The following SPAG16 variants were observed in gnomAD, a reference collection of about 807,000 sequenced individuals.
SPAG16 encodes the protein sperm associated antigen 16.
Under a neutral mutation model 80.4 loss-of-function variants are expected in SPAG16, and 86 were observed. The observed-to-expected ratio is 1.07, with a 90% CI of 0.90 to 1.28. The LOEUF is 1.28. Ranked by LOEUF, SPAG16 falls within the 50% of genes most tolerant of loss-of-function variation. The pLI is 0.00. For synonymous variants in SPAG16, 294 were observed against 265.9 expected, an observed-to-expected ratio of 1.11 and a Z score of -1.03; for missense variants, 870 against 765.3, an observed-to-expected ratio of 1.14 and a Z score of -1.61.
At chr2:214,146,925 C>A (rs2055671048) in intron 14 of SPAG16, among the ~76,000 whole-genome samples, 2 of 151,988 alleles carry the variant, frequency 1.3e-5, no homozygotes, top group Middle Eastern at 3.4e-3. Context: ...TGGCGTTAAC[C>A]CGGGAGACGG....
intron 11 of SPAG16, among the ~76,000 whole-genome samples, chr2:213,910,187 A>C (rs184828373): frequency 6.6e-6 from 1 of 152,342 alleles, no homozygotes; most frequent in Admixed American, 6.5e-5. Flanking sequence ...ATGAATTCAA[A>C]TAGTTCTATT....
intron 15 of SPAG16, among the ~76,000 whole-genome samples, chr2:214,326,045 A>G (rs1696454272): frequency 6.6e-6 from 1 of 152,118 alleles, no homozygotes; most frequent in Admixed American, 6.5e-5. Context: ...TGTCAATGTC[A>G]TTTTATCTGT....
chr2:214,191,208 T>A (rs1472514877), intron 15 of SPAG16, among the ~76,000 whole-genome samples: 1 of 152,066 alleles, frequency 6.6e-6, no homozygotes, highest in African/African-American at 2.4e-5. Context: ...TTCACTGAGA[T>A]ATTTTTGATT....
intron 5 of SPAG16, among the ~76,000 whole-genome samples, chr2:213,320,896 G>A (rs966919276): frequency 1.3e-5 from 2 of 151,918 alleles, no homozygotes; most frequent in Non-Finnish European, 2.9e-5. Flanking sequence ...AAAGTTTTCC[G>A]AACTACATCT....
At chr2:213,580,787 T>A (rs1444792352) in intron 10 of SPAG16, among the ~76,000 whole-genome samples, 1 of 152,174 alleles carries the variant, frequency 6.6e-6, no homozygotes, top group African/African-American at 2.4e-5. Flanking sequence ...TTCATATTCC[T>A]TACAATTTTT....
intron 12 of SPAG16, among the ~76,000 whole-genome samples, chr2:213,999,604 G>A (rs576156743): frequency 2.4e-4 from 37 of 152,296 alleles, no homozygotes; most frequent in South Asian, 4.1e-4. Flanking sequence ...GAGGGCCACC[G>A]TCTTCCAGAC....
intron 14 of SPAG16, among the ~76,000 whole-genome samples, chr2:214,135,720 T>A (rs1164130183): frequency 1.4e-5 from 2 of 140,820 alleles, no homozygotes; most frequent in Non-Finnish European, 3.1e-5. Context: ...TCTCTGTCTC[T>A]CTGTCTCTCT....
intron 10 of SPAG16, among the ~76,000 whole-genome samples, chr2:213,803,913 T>C (rs541871000): frequency 6.6e-6 from 1 of 152,276 alleles, no homozygotes; most frequent in East Asian, 1.9e-4. Context: ...GCCTTGAGTC[T>C]CTAACTTTTT....
intron 14 of SPAG16, among the ~76,000 whole-genome samples, chr2:214,131,290 A>G (rs2054758680): frequency 6.6e-6 from 1 of 151,842 alleles, no homozygotes; most frequent in Non-Finnish European, 1.5e-5. Flanking sequence ...GGATGGCTTG[A>G]GAGCAGGAGT....
At chr2:213,699,397 G>T (rs766916699) in intron 10 of SPAG16, among the ~76,000 whole-genome samples, 5 of 152,218 alleles carry the variant, frequency 3.3e-5, no homozygotes, top group Non-Finnish European at 7.4e-5. Flanking sequence ...TTATAGTAAA[G>T]ATGGGAAGAA....
chr2:213,709,002 A>G (rs2065869991), intron 10 of SPAG16, among the ~76,000 whole-genome samples: 1 of 152,196 alleles, frequency 6.6e-6, no homozygotes, highest in African/African-American at 2.4e-5. Context: ...GACTAACATT[A>G]TGGTATTAGT....
intron 3 of SPAG16, among the ~76,000 whole-genome samples, chr2:213,307,370 A>C (rs978610993): frequency 2.9e-5 from 3 of 104,228 alleles, no homozygotes; most frequent in South Asian, 7.4e-4. Flanking sequence ...CCCACCCCAC[A>C]ACAGTCCCCA....
chr2:214,086,036 C>A (rs546971211), intron 13 of SPAG16, among the ~76,000 whole-genome samples: 1 of 152,280 alleles, frequency 6.6e-6, no homozygotes, highest in Non-Finnish European at 1.5e-5. Context: ...TTAAATTACT[C>A]CGAACATATG....
intron 11 of SPAG16, among the ~76,000 whole-genome samples, chr2:213,924,731 T>C (rs2078387212): frequency 6.6e-6 from 1 of 152,200 alleles, no homozygotes; most frequent in South Asian, 2.1e-4. Context: ...AAAAATCATA[T>C]AGCTGAATTT....
chr2:213,782,618 A>G (rs954697557), intron 10 of SPAG16, among the ~76,000 whole-genome samples: 9 of 152,190 alleles, frequency 5.9e-5, no homozygotes, highest in South Asian at 4.1e-4. Flanking sequence ...CATAACACAG[A>G]ATTTTTGAAA....
chr2:213,839,071 A>G (rs907379829), intron 10 of SPAG16, among the ~76,000 whole-genome samples: 8 of 152,240 alleles, frequency 5.3e-5, no homozygotes, highest in African/African-American at 1.9e-4. Flanking sequence ...GTGAGATTGT[A>G]GATGATTGGA....
chr2:213,890,801 G>T (rs2076756958), intron 11 of SPAG16, among the ~76,000 whole-genome samples: 1 of 151,836 alleles, frequency 6.6e-6, no homozygotes, highest in South Asian at 2.1e-4. Context: ...GCAGGGTGTT[G>T]CTTTGCTCAT....
chr2:213,894,843 A>G (rs1008975294), intron 11 of SPAG16, among the ~76,000 whole-genome samples: 1 of 151,732 alleles, frequency 6.6e-6, no homozygotes, highest in Non-Finnish European at 1.5e-5. Flanking sequence ...ACAAAAAATT[A>G]GCCAGGCTTG....
chr2:213,604,235 T>A (rs2061173081), intron 10 of SPAG16, among the ~76,000 whole-genome samples: 1 of 152,190 alleles, frequency 6.6e-6, no homozygotes, highest in South Asian at 2.1e-4. Flanking sequence ...ATGCTGTGTT[T>A]TTAGGGAGGC....
Sources: allele counts gnomAD v4.1 joint callset (sites outside exome capture counted in the v4.1 genomes callset), GRCh38; gene constraint gnomAD v4.1.1; transcripts MANE v1.5; gene names NCBI Gene and HGNC (gene_info 2026-07-23, HGNC 2026-07-21).